Variants in ERCC6 observed in about 807,000 individuals in gnomAD.
The protein encoded by ERCC6 is DNA excision repair protein ERCC-6.
Under a neutral mutation model 158.7 loss-of-function variants are expected in ERCC6, and 116 were observed. The observed-to-expected ratio is 0.73, with a 90% confidence interval of 0.63 to 0.85. The LOEUF is 0.85. Among genes scored for constraint, ERCC6 ranks in the 40% least tolerant of loss-of-function variants. ERCC6 has a pLI of 0.00. For synonymous variants in ERCC6, 678 were observed against 659.3 expected, an observed-to-expected ratio of 1.03 and a Z score of -0.43; for missense variants, 1,698 against 1,799.4, an observed-to-expected ratio of 0.94 and a Z score of 1.02.
At chr10:49,534,187 A>AC (rs2132642621) in intron 1 of ERCC6, among the ~76,000 whole-genome samples, 1 of 151,920 alleles carries the variant, frequency 6.6e-6, no homozygotes, top group Non-Finnish European at 1.5e-5. Flanking sequence ...TACACAGTAT[A>AC]ATTTCTCACC....
intron 12 of ERCC6, 57 bp downstream of exon 12, chr10:49,476,158 C>G: frequency 8.2e-7 from 1 of 1,226,546 alleles, no homozygotes; most frequent in Non-Finnish European, 1.2e-6. Flanking sequence ...GTTTCTTTTC[C>G]TCCCTCACTT....
chr10:49,494,322 G>T (rs905329935), intron 7 of ERCC6, among the ~76,000 whole-genome samples: 1 of 152,130 alleles, frequency 6.6e-6, no homozygotes, highest in Non-Finnish European at 1.5e-5. Context: ...CTTAGAACAG[G>T]ACCATATAGA....
At chr10:49,526,733 G>A (rs1485595619) in intron 4 of ERCC6, among the ~76,000 whole-genome samples, 3 of 152,174 alleles carry the variant, frequency 2.0e-5, no homozygotes, top group Non-Finnish European at 4.4e-5. Flanking sequence ...TAATGAAAGA[G>A]GGATACTTTC....
At chr10:49,472,311 T>G in intron 16 of ERCC6, 65 bp downstream of exon 16, 2 of 1,403,716 alleles carry the variant, frequency 1.4e-6, no homozygotes, top group Non-Finnish European at 2.0e-6. Context: ...AACAACACTT[T>G]GGAAAAATTC....
At chr10:49,538,181 C>T (rs1837647493) in intron 1 of ERCC6, among the ~76,000 whole-genome samples, 2 of 152,228 alleles carry the variant, frequency 1.3e-5, no homozygotes, top group Non-Finnish European at 2.9e-5. Flanking sequence ...CCGTCCTCCC[C>T]CATCACTGGG....
chr10:49,524,073 G>C lies in ERCC6; in HGVS notation c.1357C>G (p.Arg453Gly). 6.2e-7 allele frequency: 1 copy of C among 1,613,494 alleles called. No individual in the cohort carries two copies. The highest frequency in any genetic ancestry group is 8.5e-7 in the Non-Finnish European group (1 of 1,179,976). ...GGGGRKVGRY[R>G]DDGDEDYYKQ... The stretch of plus-strand genomic sequence containing the variant: ...TAATAATCTTCATCTCCATCATCTC[G>C]GTATCTTCCCACTTTCCGACCTCCT... The change falls in exon 5 of 21, where the codon CGA becomes GGA. Residue 453 changes from arginine (R) to glycine (G), a missense_variant. Arg to Gly is a moderately radical substitution (Grantham distance 125). Transcript: ENST00000355832.
At chr10:49,495,199 T>C (rs1409678266) in intron 7 of ERCC6, among the ~76,000 whole-genome samples, 1 of 152,090 alleles carries the variant, frequency 6.6e-6, no homozygotes, top group Admixed American at 6.6e-5. Flanking sequence ...TGGGTGCCAG[T>C]CAGTGCATAA....
rs916187834 is a variant in ERCC6 at position 49,456,649 on chromosome 10, AT to A, written c.*2165del. ...TTAATGGTGATAGTATTAACATTTA[AT>A]TTTTTGACAAAATTTTAAAATCCTT... On this transcript the variant is annotated 3_prime_UTR_variant, in exon 21 of 21. Transcript: ENST00000355832. 6.6e-6 allele frequency: 1 copy of A among 152,364 alleles called. No homozygotes were observed. The highest frequency in any genetic ancestry group is 1.9e-4 in the East Asian group (1 of 5,192). 9.4% of individuals were successfully genotyped at this position (152,364 alleles called of 1,614,324 possible).
chr10:49,518,073 G>C (rs1359752537), intron 5 of ERCC6, among the ~76,000 whole-genome samples: 1 of 152,196 alleles, frequency 6.6e-6, no homozygotes, highest in African/African-American at 2.4e-5. Flanking sequence ...AATCCTCATC[G>C]GGTGCAAACC....
Position 49,532,932 on chromosome 10 carries a change from T to G in ERCC6, c.33A>C (p.Gln11His), listed in dbSNP as rs2132639996. The G allele has an allele frequency of 1.2e-6, 2 of 1,614,242 alleles. No homozygotes were observed. The highest frequency in any genetic ancestry group is 1.3e-5 in the African/African-American group (1 of 75,064). Residue 11 changes from glutamine (Q) to histidine (H), a missense_variant, in exon 2 of 21, where the codon CAA becomes CAC. Transcript: ENST00000355832. ...TCTGTAAACAGTCTTGCTCCTGAGTTTGACTTGAGTGGGGGATTCCCTCAT... is the reference window on the plus strand; with the variant it reads ...TCTGTAAACAGTCTTGCTCCTGAGTGTGACTTGAGTGGGGGATTCCCTCAT... MPNEGIPHSS[Q>H]TQEQDCLQSQ... is the part of the protein sequence containing the mutation.
chr10:49,443,858 C>T, the ERCC6 span, among the ~76,000 whole-genome samples: 4 of 152,190 alleles, frequency 2.6e-5, no homozygotes, highest in Admixed American at 1.3e-4. Context: ...CTCTATGAGG[C>T]TAGCACAATG....
chr10:49,483,313 C>A (rs780831345), intron 9 of ERCC6, 33 bp downstream of exon 9: 6 of 1,606,188 alleles, frequency 3.7e-6, no homozygotes, highest in Admixed American at 3.3e-5. Context: ...TTCTTCTCCA[C>A]TTGGAAATCT....
At chr10:49,498,156 A>T (rs1292429736) in intron 7 of ERCC6, among the ~76,000 whole-genome samples, 1 of 152,204 alleles carries the variant, frequency 6.6e-6, no homozygotes, top group African/African-American at 2.4e-5. Context: ...AGAAACACAC[A>T]TACAACACAC....
At chr10:49,517,168 C>A in intron 5 of ERCC6, 1 of 1,512,046 alleles carries the variant, frequency 6.6e-7, no homozygotes, top group Non-Finnish European at 8.9e-7. Context: ...AGTGGTTTTG[C>A]CTAGTGTTCC....
chr10:49,525,213 G>A, intron 4 of ERCC6: 1 of 198,998 alleles, frequency 5.0e-6, no homozygotes. Flanking sequence ...CCAAAAACAG[G>A]GATCACCATG....
At chr10:49,442,692 G>A in the ERCC6 span, among the ~76,000 whole-genome samples, 40 of 152,308 alleles carry the variant, frequency 2.6e-4, no homozygotes, top group Middle Eastern at 6.8e-3. Context: ...CATGCTGGGG[G>A]CAGGTGGCCA....
At chr10:49,482,434 T>A (rs561758503) in intron 10 of ERCC6, among the ~76,000 whole-genome samples, 18 of 152,312 alleles carry the variant, frequency 1.2e-4, no homozygotes, top group African/African-American at 4.3e-4. Flanking sequence ...AACTGTTTAA[T>A]TTCCATTAAA....
chr10:49,472,880 A>G (rs750638927), intron 15 of ERCC6, 29 bp downstream of exon 15: 2 of 1,606,768 alleles, frequency 1.2e-6, no homozygotes, highest in Non-Finnish European at 1.7e-6. Context: ...CTACTAATAC[A>G]TTCTTTTAAA....
At chr10:49,478,521 A>T (rs763176329) in intron 10 of ERCC6, 51 bp from the exon 11 acceptor site, 1 of 1,104,262 alleles carries the variant, frequency 9.1e-7, no homozygotes, top group Non-Finnish European at 1.4e-6. Flanking sequence ...TAAGGAACGC[A>T]TTTGTTCTTA....
Sources: allele counts gnomAD v4.1 joint callset (sites outside exome capture counted in the v4.1 genomes callset), GRCh38; gene constraint gnomAD v4.1.1; transcripts MANE v1.5; gene names NCBI Gene and HGNC (gene_info 2026-07-23, HGNC 2026-07-21).